Variants in RASA1 observed in about 807,000 individuals in gnomAD.
The protein encoded by RASA1 is ras GTPase-activating protein 1.
Under a neutral mutation model 132.2 loss-of-function variants are expected in RASA1, and 25 were observed. That is an observed-to-expected ratio of 0.19 (90% CI 0.14 to 0.26). RASA1 has a LOEUF of 0.26. Among genes scored for constraint, RASA1 ranks in the 10% least tolerant of loss-of-function variants. The probability of loss-of-function intolerance (pLI) is 1.00; values close to 1 mark genes in which losing one functional copy is unlikely to be tolerated. For synonymous variants in RASA1, 477 were observed against 449.9 expected (o/e 1.06, Z -0.76); for missense variants, 964 against 1,299.2 (o/e 0.74, Z 3.97).
chr5:87,287,741 TAG>T, intron 1 of RASA1, among the ~76,000 whole-genome samples: 5 of 134,910 alleles, frequency 3.7e-5, no homozygotes, highest in African/African-American at 5.6e-5. Context: ...GTACACGCCA[TAG>T]ATATACCATT....
At chr5:87,306,128 A>C (rs1755598524) in intron 1 of RASA1, among the ~76,000 whole-genome samples, 1 of 151,948 alleles carries the variant, frequency 6.6e-6, no homozygotes, top group African/African-American at 2.4e-5. Flanking sequence ...TATATAACCA[A>C]AGGAATATAA....
At chr5:87,287,772 T>TACAC (rs1213370196) in intron 1 of RASA1, among the ~76,000 whole-genome samples, 4,683 of 88,892 alleles carry the variant, frequency 0.053, 1,619 homozygotes, top group East Asian at 0.09. Flanking sequence ...GCCATAGATA[T>TACAC]ACCATATATG....
Position 87,377,261 on chromosome 5 carries a change from T to C in RASA1, c.2344+221T>C, listed in dbSNP as rs1026281349. 1.5e-4 allele frequency: 88 copies of C among 572,640 alleles called. 1 individual carries two copies. Among genetic ancestry groups the C allele is most frequent in the African/African-American group, 1.4e-3 (76 of 53,468 alleles). The allele number at this position is 572,640 out of a possible 1,614,324, so 35.5% of individuals were successfully genotyped here. A position where few individuals can be genotyped will look rare whatever the true frequency, so the allele number is the denominator to read the frequency against. ...AATGTAGGTTTTGGCAGATAAGTAC[T>C]AGAAGCCACAAGAAGGTGGTATCTG... is the stretch of plus-strand genomic sequence containing the variant. On this transcript the variant is annotated intron_variant, in intron 17 of 24. Transcript: ENST00000274376.
chr5:87,351,825 G>A (rs1414012173), intron 8 of RASA1, among the ~76,000 whole-genome samples: 1 of 151,744 alleles, frequency 6.6e-6, no homozygotes, highest in Non-Finnish European at 1.5e-5. Flanking sequence ...AATCTGAACT[G>A]TACTTCCCCA....
At chr5:87,380,454 G>A (rs1761631061) in intron 19 of RASA1, 55 bp from the exon 20 acceptor site, 9 of 1,445,772 alleles carry the variant, frequency 6.2e-6, no homozygotes, top group Middle Eastern at 1.7e-4. Flanking sequence ...TGGCTGCTAG[G>A]AGATCAGTGT....
chr5:87,386,946 T>A, intron 23 of RASA1, 43 bp downstream of exon 23: 1 of 1,489,544 alleles, frequency 6.7e-7, no homozygotes, highest in African/African-American at 1.4e-5. Context: ...GACTTCTAGT[T>A]GATATAGCTG....
chr5:87,277,638 G>A (rs1298125680), intron 1 of RASA1, among the ~76,000 whole-genome samples: 6 of 152,008 alleles, frequency 3.9e-5, no homozygotes, highest in African/African-American at 2.4e-5. Context: ...CCCAGACTCT[G>A]GTATTTCGTC....
chr5:87,376,353 TTC>T, intron 15 of RASA1, 38 bp from the exon 16 acceptor site: 1 of 1,608,502 alleles, frequency 6.2e-7, no homozygotes, highest in Non-Finnish European at 8.5e-7. Flanking sequence ...AATTATCGTG[TTC>T]TCTTTTTAAA....
chr5:87,284,072 A>G (rs548622937), intron 1 of RASA1, among the ~76,000 whole-genome samples: 4 of 152,288 alleles, frequency 2.6e-5, no homozygotes, highest in African/African-American at 9.6e-5. Flanking sequence ...TCTTCTTTCA[A>G]GACAAATGCA....
At chr5:87,289,866 C>G (rs114975877) in intron 1 of RASA1, among the ~76,000 whole-genome samples, 6,418 of 152,106 alleles carry the variant, frequency 0.042, 188 homozygotes, top group Middle Eastern at 0.078. Flanking sequence ...TCCTTGGCCT[C>G]CCAAAGTGCT....
chr5:87,312,651 A>T (rs994621446), intron 1 of RASA1, among the ~76,000 whole-genome samples: 23 of 152,224 alleles, frequency 1.5e-4, no homozygotes, highest in African/African-American at 5.5e-4. Flanking sequence ...TAAGGGAAAG[A>T]TAGTTTGCAA....
Position 87,367,990 on chromosome 5 carries a change from C to T in RASA1, c.1611-1823C>T, listed in dbSNP as rs144249215. Among the ~76,000 whole-genome samples the T allele has an allele frequency of 2.7e-3, 409 of 151,908 alleles. 5 individuals carry two copies. The highest frequency in any genetic ancestry group is 8.5e-3 in the East Asian group (44 of 5,170). On this transcript the variant is annotated intron_variant, in intron 11 of 24. Coordinates refer to ENST00000274376, the MANE Select transcript of RASA1 (RefSeq NM_002890.3). The stretch of plus-strand genomic sequence containing the variant: ...ACTATAAATTAAAAAAAAAATTATC[C>T]TTAGGTTTGTAGTGCTTCATCAATC...
At chr5:87,374,981 A>G (rs984415976) in intron 15 of RASA1, 65 bp downstream of exon 15, 8 of 1,536,424 alleles carry the variant, frequency 5.2e-6, no homozygotes, top group Admixed American at 3.9e-5. Context: ...AAAATTCACA[A>G]TGAAAGTCTT....
At chr5:87,366,430 C>A in intron 11 of RASA1, 1 of 368,076 alleles carries the variant, frequency 2.7e-6, no homozygotes, top group Non-Finnish European at 5.5e-6. Context: ...GAAAGAATTG[C>A]CAGAGTAAAA....
At chr5:87,376,303 T>C (rs1346278302) in intron 15 of RASA1, 90 bp from the exon 16 acceptor site, 10 of 1,445,190 alleles carry the variant, frequency 6.9e-6, no homozygotes, top group African/African-American at 2.8e-5. Flanking sequence ...TTTAACACCA[T>C]AGGGAAGACT....
At chr5:87,368,177 A>C (rs534586969) in intron 11 of RASA1, among the ~76,000 whole-genome samples, 1 of 151,826 alleles carries the variant, frequency 6.6e-6, no homozygotes, top group Non-Finnish European at 1.5e-5. Flanking sequence ...TCTGTTTTTC[A>C]TCCTTTTTCC....
At chr5:87,317,183 G>C (rs985755436) in intron 1 of RASA1, among the ~76,000 whole-genome samples, 1 of 152,030 alleles carries the variant, frequency 6.6e-6, no homozygotes, top group African/African-American at 2.4e-5. Context: ...GCGCCTGGCG[G>C]ATACCACAAA....
At chr5:87,336,371 GAA>G (rs1161035496) in intron 4 of RASA1, among the ~76,000 whole-genome samples, 1 of 144,264 alleles carries the variant, frequency 6.9e-6, no homozygotes, top group African/African-American at 2.6e-5. Context: ...AGACCAAAAA[GAA>G]AAAAAAAATA....
rs1283530186 is a variant in RASA1, at chr5:87,333,197, G to A, written c.829-70G>A. ...ATGTGAATTTTTATTGGCTTTATGT[G>A]GATATACCTCTTTTGACTTTAAGAT... On this transcript the variant is annotated intron_variant, in intron 3 of 24. Coordinates refer to ENST00000274376, the MANE Select transcript of RASA1 (RefSeq NM_002890.3). The A allele has an allele frequency of 1.9e-6, 3 of 1,578,326 alleles. No homozygotes were observed. The African/African-American group carries it at 4.1e-5, about 22-fold the overall frequency.
Sources: allele counts gnomAD v4.1 joint callset (sites outside exome capture counted in the v4.1 genomes callset), GRCh38; gene constraint gnomAD v4.1.1; transcripts MANE v1.5; gene names NCBI Gene and HGNC (gene_info 2026-07-23, HGNC 2026-07-21).